Variants in MICAL3 observed in about 807,000 individuals in gnomAD.
The protein encoded by MICAL3 is [F-actin]-monooxygenase MICAL3.
A neutral mutation model predicts 207.4 loss-of-function variants in MICAL3; 62 were observed. The observed-to-expected ratio is 0.30, with a 90% CI of 0.24 to 0.37. The LOEUF (loss-of-function observed/expected upper bound fraction) is 0.37. Among genes scored for constraint, MICAL3 ranks in the 10% least tolerant of loss-of-function variants. The probability of loss-of-function intolerance (pLI) is 1.00; values close to 1 mark genes in which losing one functional copy is unlikely to be tolerated. For missense variants in MICAL3, 2,368 were observed against 2,635.6 expected, an observed-to-expected ratio of 0.90 and a Z score of 2.22; for synonymous variants, 1,077 against 1,069.3, an observed-to-expected ratio of 1.01 and a Z score of -0.14.
chr22:17,880,857 G>A (rs552171905), intron 16 of MICAL3, among the ~76,000 whole-genome samples: 6 of 152,218 alleles, frequency 3.9e-5, no homozygotes, highest in Admixed American at 6.5e-5. Flanking sequence ...ACTGTGCAGC[G>A]AGAGAAAAGG....
In MICAL3 at chr22:17,896,806, T is replaced by C; in HGVS notation, c.1124A>G (p.Tyr375Cys). The C allele has an allele frequency of 1.2e-6, 2 of 1,614,086 alleles. No individual in the cohort carries two copies. The highest frequency in any genetic ancestry group is 1.7e-6 in the Non-Finnish European group (2 of 1,180,042). The change falls in exon 8 of 32, where the codon TAT becomes TGT. Residue 375 changes from tyrosine to cysteine, a missense_variant. Around this residue, in one of 4 missense-constraint regions of MICAL3, gnomAD observed 400 missense variants for 547.0 expected, o/e 0.73. Coordinates refer to ENST00000441493, the MANE Select transcript of MICAL3 (RefSeq NM_015241.3). ...DVAMFDFTCM[Y>C]ASENAALVRE... ...CACCAAGGCGGCGTTCTCGGAGGCA[T>C]ACATACAAGTGAAGTCAAACATGGC...
chr22:17,801,222 G>A (rs1373894028), intron 29 of MICAL3, among the ~76,000 whole-genome samples: 1 of 49,760 alleles, frequency 2.0e-5, no homozygotes, highest in Non-Finnish European at 3.3e-5. Flanking sequence ...GCGGGATCTC[G>A]GCTCACTGCA....
At chr22:17,824,410 C>T (rs947107560) in intron 22 of MICAL3, among the ~76,000 whole-genome samples, 3 of 152,216 alleles carry the variant, frequency 2.0e-5, no homozygotes, top group Non-Finnish European at 2.9e-5. Context: ...GGCGCAGCCT[C>T]GGAAGTAGCA....
intron 25 of MICAL3, 36 bp downstream of exon 25, chr22:17,821,391 G>A: frequency 6.6e-7 from 1 of 1,514,508 alleles, no homozygotes; most frequent in East Asian, 2.6e-5. Context: ...GGTCCCATTA[G>A]TTCTCTGTAC....
rs761183450 is a variant in MICAL3 at position 17,819,147 on chromosome 22, A to G, written c.3532-18T>C. The G allele has an allele frequency of 6.9e-7, 1 of 1,455,140 alleles. No homozygotes were observed. Among genetic ancestry groups the G allele is most frequent in the Non-Finnish European group, 9.1e-7 (1 of 1,099,922 alleles). The allele number at this position is 1,455,140 out of a possible 1,614,324, so 90.1% of individuals were successfully genotyped here. ...TGGGGCCCCTACAGGGAAGGAAGAC[A>G]GAAGCCGCTGAGAAGGTGTGGGCTT... On this transcript the variant is annotated intron_variant, in intron 25 of 31. Transcript: ENST00000441493.
intron 7 of MICAL3, among the ~76,000 whole-genome samples, chr22:17,898,725 C>T (rs1931080868): frequency 6.6e-6 from 1 of 152,160 alleles, no homozygotes; most frequent in African/African-American, 2.4e-5. Context: ...AAAAACTCTC[C>T]TTCAGGGACC....
intron 1 of MICAL3, among the ~76,000 whole-genome samples, chr22:17,962,622 T>C (rs1287134108): frequency 6.6e-6 from 1 of 150,466 alleles, no homozygotes; most frequent in East Asian, 1.9e-4. Flanking sequence ...AACCAGAATT[T>C]AAAAAGGGAA....
chr22:17,946,812 G>A (rs992398139), intron 1 of MICAL3, among the ~76,000 whole-genome samples: 1 of 152,202 alleles, frequency 6.6e-6, no homozygotes, highest in African/African-American at 2.4e-5. Flanking sequence ...GGAGTGGTGG[G>A]CAAGTTCCTA....
intron 28 of MICAL3, among the ~76,000 whole-genome samples, chr22:17,809,265 T>G (rs1256779822): frequency 6.6e-6 from 1 of 152,230 alleles, no homozygotes; most frequent in Non-Finnish European, 1.5e-5. Context: ...CCTCAGACTG[T>G]TCTCACGGCA....
intron 1 of MICAL3, among the ~76,000 whole-genome samples, chr22:17,973,979 C>T (rs1027716949): frequency 1.3e-5 from 2 of 152,162 alleles, no homozygotes; most frequent in African/African-American, 2.4e-5. Flanking sequence ...TGAGCTCCTC[C>T]TCCTATTTAT....
chr22:17,989,024 A>T (rs1921361701), intron 1 of MICAL3, among the ~76,000 whole-genome samples: 9 of 152,034 alleles, frequency 5.9e-5, no homozygotes. Context: ...TCCCCGGCTG[A>T]TCTTGCTTGA....
chr22:17,969,082 A>G (rs558429912), intron 1 of MICAL3, among the ~76,000 whole-genome samples: 9 of 152,118 alleles, frequency 5.9e-5, no homozygotes, highest in Non-Finnish European at 1.2e-4. Context: ...TCACTCTGTC[A>G]CCCAGGCTGG....
intron 19 of MICAL3, among the ~76,000 whole-genome samples, chr22:17,853,201 C>T (rs979996634): frequency 1.3e-5 from 2 of 152,154 alleles, no homozygotes; most frequent in Non-Finnish European, 2.9e-5. Flanking sequence ...ATCCCATTCA[C>T]GCAGGCTGAG....
At chr22:17,971,686 C>G (rs1304182996) in intron 1 of MICAL3, among the ~76,000 whole-genome samples, 1 of 152,160 alleles carries the variant, frequency 6.6e-6, no homozygotes, top group African/African-American at 2.4e-5. Flanking sequence ...ACACAGCCAT[C>G]GGTGTAAAAA....
intron 17 of MICAL3, among the ~76,000 whole-genome samples, chr22:17,868,052 G>C (rs1221983647): frequency 6.6e-6 from 1 of 152,204 alleles, no homozygotes; most frequent in Non-Finnish European, 1.5e-5. Context: ...TAATCAAAAA[G>C]TTCCAGAAAA....
At chr22:17,806,754 C>A (rs1032514160) in intron 29 of MICAL3, among the ~76,000 whole-genome samples, 2 of 134,840 alleles carry the variant, frequency 1.5e-5, no homozygotes, top group Non-Finnish European at 3.2e-5. Flanking sequence ...GAAAAGAGGT[C>A]TGCTGCTAGT....
At chr22:17,840,268 T>C (rs1467423208) in intron 20 of MICAL3, 1 of 151,966 alleles carries the variant, frequency 6.6e-6, no homozygotes, top group East Asian at 1.9e-4. Flanking sequence ...ATTTTTGTAT[T>C]TTTAGTAGAG....
At chr22:17,949,842 C>A (rs1188524204) in intron 1 of MICAL3, among the ~76,000 whole-genome samples, 7 of 152,242 alleles carry the variant, frequency 4.6e-5, no homozygotes, top group African/African-American at 1.4e-4. Flanking sequence ...CCTGTGTGCA[C>A]ACAAAGCAAC....
At chr22:17,843,707 A>T (rs376604153) in intron 19 of MICAL3, among the ~76,000 whole-genome samples, 1 of 152,152 alleles carries the variant, frequency 6.6e-6, no homozygotes, top group Non-Finnish European at 1.5e-5. Flanking sequence ...GTGAAGCAGC[A>T]AGTCTGGTGT....
Sources: allele counts gnomAD v4.1 joint callset (sites outside exome capture counted in the v4.1 genomes callset), GRCh38; gene constraint gnomAD v4.1.1; regional missense constraint gnomAD v4.1.1; transcripts MANE v1.5; gene names NCBI Gene and HGNC (gene_info 2026-07-23, HGNC 2026-07-21).